ADAM22: variants seen among roughly 807,000 people sequenced by gnomAD.
ADAM22 encodes disintegrin and metalloproteinase domain-containing protein 22.
ADAM22 carries 65 observed loss-of-function variants against 144.6 expected under a neutral mutation model. The observed-to-expected ratio is 0.45, with a 90% CI of 0.37 to 0.55. The LOEUF (loss-of-function observed/expected upper bound fraction) is 0.55. Ranked by LOEUF, ADAM22 falls within the 20% of genes least tolerant of loss-of-function variation. ADAM22 has a pLI of 0.00. For synonymous variants in ADAM22, 391 were observed against 412.6 expected (o/e 0.95, Z 0.63); for missense variants, 974 against 1,184.9 (o/e 0.82, Z 2.61).
intron 3 of ADAM22, among the ~76,000 whole-genome samples, chr7:88,039,611 A>ATGTGTGTGTG (rs3085480): frequency 1.4e-5 from 2 of 146,416 alleles, no homozygotes; most frequent in African/African-American, 5.0e-5. Context: ...TCATGTTTGC[A>ATGTGTGTGTG]TGTGTGTGTG....
chr7:88,156,739 C>T (rs1475288699), intron 22 of ADAM22, among the ~76,000 whole-genome samples: 1 of 152,068 alleles, frequency 6.6e-6, no homozygotes, highest in Non-Finnish European at 1.5e-5. Flanking sequence ...GAGCTTTATA[C>T]TCTATAGAGA....
At chr7:88,016,321 A>C (rs1180412846) in intron 3 of ADAM22, among the ~76,000 whole-genome samples, 1 of 152,164 alleles carries the variant, frequency 6.6e-6, no homozygotes, top group Non-Finnish European at 1.5e-5. Flanking sequence ...TTTAACTTTT[A>C]CCAATGACGT....
chr7:88,052,871 G>A (rs1432589692), intron 3 of ADAM22, among the ~76,000 whole-genome samples: 3 of 151,918 alleles, frequency 2.0e-5, no homozygotes, highest in African/African-American at 7.3e-5. Flanking sequence ...ATACCTTCTC[G>A]GCTGCCATCA....
chr7:87,982,699 A>ATATATATATATT (rs10527361), intron 3 of ADAM22, among the ~76,000 whole-genome samples: 1 of 62,960 alleles, frequency 1.6e-5, no homozygotes, highest in East Asian at 3.8e-4. Flanking sequence ...ATATATATAT[A>ATATATATATATT]ATTTTTTTTT....
chr7:88,043,129 A>C (rs1803568933), intron 3 of ADAM22, among the ~76,000 whole-genome samples: 1 of 151,822 alleles, frequency 6.6e-6, no homozygotes, highest in Admixed American at 6.6e-5. Flanking sequence ...TGAAACATAG[A>C]TCTCAGGGAA....
In ADAM22 at chr7:88,088,480, A is replaced by G. The variant is rs1818985174; in HGVS notation, c.390+12788A>G. Among the ~76,000 whole-genome samples the G allele has an allele frequency of 2.8e-5, 4 of 144,058 alleles. No individual in the cohort carries two copies. In the Admixed American group the frequency reaches 2.9e-4, roughly 11 times the overall value. The allele number at this position is 144,058 out of a possible 152,430, so 94.5% of individuals were successfully genotyped here. Reference sequence around the variant, plus strand: ...TTTAAAAATCCTGCCTTAATCGTTTAGTTTTCCCCAGTGAATGTGTCAATG... The same window carrying G: ...TTTAAAAATCCTGCCTTAATCGTTTGGTTTTCCCCAGTGAATGTGTCAATG... On this transcript the variant is annotated intron_variant, in intron 4 of 31. Transcript: ENST00000413139.
At chr7:88,033,848 T>C (rs1800877203) in intron 3 of ADAM22, among the ~76,000 whole-genome samples, 1 of 152,142 alleles carries the variant, frequency 6.6e-6, no homozygotes, top group Non-Finnish European at 1.5e-5. Context: ...CGTGGAGTAC[T>C]GCCAGGCTAC....
intron 7 of ADAM22, among the ~76,000 whole-genome samples, chr7:88,120,928 C>G (rs1340987032): frequency 6.6e-6 from 1 of 151,990 alleles, no homozygotes; most frequent in Non-Finnish European, 1.5e-5. Flanking sequence ...CTTCAAATTA[C>G]TTTTTGTGCA....
intron 3 of ADAM22, among the ~76,000 whole-genome samples, chr7:88,054,889 G>A (rs1197722096): frequency 6.6e-6 from 1 of 151,954 alleles, no homozygotes; most frequent in African/African-American, 2.4e-5. Flanking sequence ...GTGAAAAGTA[G>A]ACTTTTAAAT....
intron 21 of ADAM22, among the ~76,000 whole-genome samples, chr7:88,154,265 A>AG (rs1442925736): frequency 2.0e-5 from 3 of 152,228 alleles, no homozygotes; most frequent in Admixed American, 6.5e-5. Flanking sequence ...ATGGAACCTT[A>AG]GCTTGGCACT....
chr7:88,053,113 C>G (rs974353576), intron 3 of ADAM22, among the ~76,000 whole-genome samples: 1 of 151,998 alleles, frequency 6.6e-6, no homozygotes, highest in African/African-American at 2.4e-5. Flanking sequence ...CTTGAGGGAG[C>G]CCATGTATTC....
intron 2 of ADAM22, among the ~76,000 whole-genome samples, chr7:87,962,602 G>A (rs1216504394): frequency 1.3e-5 from 2 of 151,938 alleles, no homozygotes; most frequent in East Asian, 3.9e-4. Flanking sequence ...CGTTTATGGA[G>A]CTAGAACATT....
chr7:87,938,353 G>A (rs768358643), intron 2 of ADAM22, among the ~76,000 whole-genome samples: 6 of 151,044 alleles, frequency 4.0e-5, no homozygotes, highest in African/African-American at 1.5e-4. Context: ...TGAATAACTG[G>A]GATTACAGGC....
chr7:88,047,265 G>GT (rs1175132709), intron 3 of ADAM22, among the ~76,000 whole-genome samples: 7 of 152,202 alleles, frequency 4.6e-5, no homozygotes, highest in Middle Eastern at 3.4e-3. Flanking sequence ...TACCTCTGTA[G>GT]TTTTTTCCCT....
intron 4 of ADAM22, among the ~76,000 whole-genome samples, chr7:88,094,050 A>G (rs761632312): frequency 3.6e-4 from 55 of 152,160 alleles, no homozygotes; most frequent in Non-Finnish European, 1.6e-4. Context: ...CATTTATTCA[A>G]TAGACATGAG....
At chr7:88,069,681 C>T (rs755904428) in intron 3 of ADAM22, among the ~76,000 whole-genome samples, 2 of 152,190 alleles carry the variant, frequency 1.3e-5, no homozygotes, top group Non-Finnish European at 2.9e-5. Flanking sequence ...TTCAGGTTCT[C>T]ATCATCTGAA....
At chr7:87,955,442 A>T (rs1308316267) in intron 2 of ADAM22, among the ~76,000 whole-genome samples, 1 of 152,174 alleles carries the variant, frequency 6.6e-6, no homozygotes, top group Non-Finnish European at 1.5e-5. Flanking sequence ...GTGTCTGCAG[A>T]ACCGCAGATT....
chr7:88,154,630 T>G (rs1482490721), intron 21 of ADAM22, among the ~76,000 whole-genome samples: 1 of 152,182 alleles, frequency 6.6e-6, no homozygotes, highest in African/African-American at 2.4e-5. Flanking sequence ...GAGTATAATT[T>G]TCTTGTGAAT....
intron 3 of ADAM22, among the ~76,000 whole-genome samples, chr7:88,046,775 T>C (rs572046533): frequency 4.5e-4 from 68 of 152,360 alleles, no homozygotes; most frequent in Non-Finnish European, 7.6e-4. Context: ...TTTTATTGTT[T>C]TGCATGTGGT....
Sources: gnomAD v4.1 joint callset for allele counts (sites outside exome capture counted in the v4.1 genomes callset) on GRCh38, gnomAD v4.1.1 for gene constraint, MANE v1.5 for transcripts, NCBI Gene and HGNC (gene_info 2026-07-23, HGNC 2026-07-21) for gene names.